The following HYDIN variants were observed in gnomAD, a reference collection of about 807,000 sequenced individuals.
HYDIN encodes the protein HYDIN axonemal central pair apparatus protein.
In HYDIN, 132 loss-of-function variants were observed where a neutral mutation model predicts 403.9. That is an observed-to-expected ratio of 0.33 (90% CI 0.28 to 0.38). The LOEUF (loss-of-function observed/expected upper bound fraction) is 0.38, where lower values mean the gene tolerates loss of function less well. HYDIN is among the 10% of genes least tolerant of loss of function. HYDIN has a pLI of 1.00. For synonymous variants in HYDIN, 1,202 were observed against 1,891.7 expected (o/e 0.64, Z 9.46); for missense variants, 2,827 against 5,009.5 (o/e 0.56, Z 13.15).
At chr16:70,963,220 T>C (rs2078473615) in intron 37 of HYDIN, among the ~76,000 whole-genome samples, 1 of 152,134 alleles carries the variant, frequency 6.6e-6, no homozygotes, top group African/African-American at 2.4e-5. Flanking sequence ...TCCCCGGCAC[T>C]TTTTTCACTA....
chr16:71,041,504 T>A (rs1015238967), intron 18 of HYDIN, among the ~76,000 whole-genome samples: 1 of 151,914 alleles, frequency 6.6e-6, no homozygotes, highest in African/African-American at 2.4e-5. Flanking sequence ...TGTGGTAGAG[T>A]CAAATGATGC....
chr16:71,113,968 T>A (rs2083924991), intron 10 of HYDIN: 1 of 151,080 alleles, frequency 6.6e-6, no homozygotes, highest in African/African-American at 2.4e-5. Flanking sequence ...TTGCCTGATG[T>A]TTCCTCCTGA....
chr16:71,096,982 C>T lies in HYDIN; in HGVS notation c.1328-3047G>A, dbSNP rs1347670737. Among the ~76,000 whole-genome samples, 4 of 106,374 alleles carry T rather than the reference C, an allele frequency of 3.8e-5. 2 individuals are homozygous for T. The highest frequency in any genetic ancestry group is 2.3e-4 in the African/African-American group (4 of 17,612). 69.8% of individuals were successfully genotyped at this position (106,374 alleles called of 152,430 possible). ...CTAAGGTTTTGTGAGAGAATTAAGCCCCGCAGCAAATCATTTGAGTGATTA... is the reference window on the plus strand; with the variant it reads ...CTAAGGTTTTGTGAGAGAATTAAGCTCCGCAGCAAATCATTTGAGTGATTA... On this transcript the variant is annotated intron_variant, in intron 10 of 85. Coordinates refer to ENST00000393567, the MANE Select transcript of HYDIN (RefSeq NM_001270974.2).
At position 71,167,889 on chromosome 16, in the gene HYDIN, T is replaced by C. The variant is rs1253011271; in HGVS notation, c.517-5159A>G. On this transcript the variant is annotated intron_variant, in intron 5 of 85. Coordinates refer to ENST00000393567, the MANE Select transcript of HYDIN (RefSeq NM_001270974.2). ...ACACCCAGCCTCACAAACCTGCTTTTCCTCCTCTGTTCCCTATCTCTGTAA... is the reference window on the plus strand; with the variant it reads ...ACACCCAGCCTCACAAACCTGCTTTCCCTCCTCTGTTCCCTATCTCTGTAA... Among the ~76,000 whole-genome samples, 3 of 151,958 alleles carry C rather than the reference T, an allele frequency of 2.0e-5. No homozygotes were observed. In the East Asian group the frequency reaches 5.8e-4, roughly 29 times the overall value.
At chr16:71,039,732 C>A (rs947201825) in intron 18 of HYDIN, among the ~76,000 whole-genome samples, 3 of 152,226 alleles carry the variant, frequency 2.0e-5, no homozygotes, top group Non-Finnish European at 4.4e-5. Context: ...CCCCTGAGAG[C>A]CACTTTCATC....
At chr16:71,045,246 C>CT (rs1352033513) in intron 18 of HYDIN, among the ~76,000 whole-genome samples, 1 of 152,180 alleles carries the variant, frequency 6.6e-6, no homozygotes, top group Non-Finnish European at 1.5e-5. Context: ...TTGTCACTAG[C>CT]TTTGTTGCTC....
chr16:70,926,459 T>G (rs1184365579), intron 45 of HYDIN, among the ~76,000 whole-genome samples: 5 of 148,730 alleles, frequency 3.4e-5, no homozygotes. Flanking sequence ...TGGGGACTGT[T>G]GTGGGGTGGG....
chr16:71,003,731 G>A (rs186172348), intron 23 of HYDIN, among the ~76,000 whole-genome samples: 150 of 151,906 alleles, frequency 9.9e-4, no homozygotes, highest in Middle Eastern at 3.4e-3. Context: ...CCCAGGAGGC[G>A]GAGGCTGCAG....
chr16:71,220,752 A>T (rs2089159568), intron 1 of HYDIN, among the ~76,000 whole-genome samples: 1 of 152,206 alleles, frequency 6.6e-6, no homozygotes, highest in Non-Finnish European at 1.5e-5. Flanking sequence ...TCATGTTTAC[A>T]TTTCTAAGGT....
chr16:71,134,312 G>A (rs1253709453), intron 8 of HYDIN, among the ~76,000 whole-genome samples: 1 of 151,542 alleles, frequency 6.6e-6, no homozygotes, highest in African/African-American at 2.5e-5. Context: ...ACAGTGGACA[G>A]GCTCTTCAGT....
intron 43 of HYDIN, among the ~76,000 whole-genome samples, chr16:70,940,369 A>T (rs1474319996): frequency 6.6e-6 from 1 of 152,034 alleles, no homozygotes. Context: ...AATCACAGAT[A>T]AGAATAATAA....
chr16:71,010,302 G>A (rs552380094), intron 23 of HYDIN, among the ~76,000 whole-genome samples: 2 of 152,292 alleles, frequency 1.3e-5, no homozygotes, highest in East Asian at 1.9e-4. Flanking sequence ...AGCTCACAGC[G>A]TTCTGAGAGG....
chr16:71,002,088 T>C lies in HYDIN; in HGVS notation c.3645-9878A>G, dbSNP rs200872599. On this transcript the variant is annotated intron_variant, in intron 23 of 85. Coordinates refer to ENST00000393567, the MANE Select transcript of HYDIN (RefSeq NM_001270974.2). Reference sequence around the variant, plus strand: ...CTTCAAGGGCATTCTTTATGTAGTATGTAGACTGATCATCTGCAGGTGGTT... The same window carrying C: ...CTTCAAGGGCATTCTTTATGTAGTACGTAGACTGATCATCTGCAGGTGGTT... Among the ~76,000 whole-genome samples the C allele has an allele frequency of 3.3e-5, 5 of 152,380 alleles. No homozygotes were observed. The South Asian group carries it at 6.2e-4, about 19-fold the overall frequency.
chr16:70,894,322 T>C, intron 55 of HYDIN, 127 bp downstream of exon 55: 2 of 1,300,702 alleles, frequency 1.5e-6, no homozygotes, highest in Non-Finnish European at 2.1e-6. Context: ...GACACGCTAT[T>C]CCCCACGGTG....
intron 85 of HYDIN, among the ~76,000 whole-genome samples, chr16:70,808,511 A>T (rs1024721807): frequency 2.4e-4 from 37 of 151,938 alleles, no homozygotes; most frequent in African/African-American, 8.7e-4. Flanking sequence ...TCCTTTCACC[A>T]CTCTAATACT....
At chr16:71,168,073 T>TTTGGGAGGC (rs2086305264) in intron 5 of HYDIN, among the ~76,000 whole-genome samples, 1 of 152,082 alleles carries the variant, frequency 6.6e-6, no homozygotes, top group Non-Finnish European at 1.5e-5. Flanking sequence ...ATCTCAGCGC[T>TTTGGGAGGC]TTGGGAGGCT....
rs766269232 is a variant in HYDIN, at chr16:70,832,916, T to G, written c.13831A>C (p.Ile4611Leu). 45 of 1,613,910 alleles carry G rather than the reference T, an allele frequency of 2.8e-5. No homozygotes were observed. Among genetic ancestry groups the G allele is most frequent in the Middle Eastern group, 1.6e-4 (1 of 6,080 alleles). ...AGACTCAGAGGACTGCCTCCCTGGA[T>G]GTAGCAGAGAATGTTTTTACAAAGG... ...ESLCKNILCY[I>L]QGGSPLSLTL... The change falls in exon 80 of 86, where the codon ATC (isoleucine) becomes CTC (leucine). Residue 4611 changes from isoleucine to leucine, a missense_variant. Physicochemically the swap from Ile to Leu is conservative, Grantham distance 5. Coordinates refer to ENST00000393567, the MANE Select transcript of HYDIN (RefSeq NM_001270974.2).
At chr16:70,817,630 A>C (rs1251304223) in intron 84 of HYDIN, 1 of 152,244 alleles carries the variant, frequency 6.6e-6, no homozygotes, top group Non-Finnish European at 1.5e-5. Flanking sequence ...ACTCCTAACC[A>C]CTGTCAAAGT....
chr16:71,178,630 C>A (rs978767161), intron 4 of HYDIN, among the ~76,000 whole-genome samples: 4 of 151,754 alleles, frequency 2.6e-5, no homozygotes, highest in African/African-American at 9.7e-5. Flanking sequence ...AAACCTAGCC[C>A]AATTTGTCAT....
Sources: gnomAD v4.1 joint callset for allele counts (sites outside exome capture counted in the v4.1 genomes callset) on GRCh38, gnomAD v4.1.1 for gene constraint, MANE v1.5 for transcripts, NCBI Gene and HGNC (gene_info 2026-07-23, HGNC 2026-07-21) for gene names.